The following FANK1 variants were observed in gnomAD, a reference collection of about 807,000 sequenced individuals.
FANK1 encodes the protein fibronectin type 3 and ankyrin repeat domains protein 1.
Under a neutral mutation model 45.3 loss-of-function variants are expected in FANK1, and 44 were observed. That is an observed-to-expected ratio of 0.97 (90% CI 0.76 to 1.25). FANK1 has a LOEUF of 1.25. FANK1 is among the 50% of genes most tolerant of loss of function. The pLI is 0.00. For synonymous variants in FANK1, 149 were observed against 152.5 expected (o/e 0.98, Z 0.17); for missense variants, 391 against 424.4 (o/e 0.92, Z 0.69).
intron 1 of FANK1, among the ~76,000 whole-genome samples, chr10:125,967,054 C>T (rs1203226056): frequency 1.3e-5 from 2 of 152,100 alleles, no homozygotes; most frequent in Non-Finnish European, 2.9e-5. Flanking sequence ...ACTAAATATT[C>T]TTGTATATAA....
intron 1 of FANK1, among the ~76,000 whole-genome samples, chr10:125,945,166 T>C (rs773820564): frequency 2.2e-4 from 33 of 152,344 alleles, no homozygotes; most frequent in Admixed American, 1.0e-3. Flanking sequence ...ACATTTAATC[T>C]AGTCTGACAG....
chr10:125,970,646 C>T (rs945713410), intron 1 of FANK1, among the ~76,000 whole-genome samples: 2 of 152,202 alleles, frequency 1.3e-5, no homozygotes, highest in African/African-American at 4.8e-5. Context: ...AACCCCTTCT[C>T]CACCAAAAAA....
chr10:125,979,237 C>A (rs369126437), intron 1 of FANK1, among the ~76,000 whole-genome samples: 2 of 152,078 alleles, frequency 1.3e-5, no homozygotes, highest in East Asian at 3.9e-4. Flanking sequence ...AGTCCCAGTG[C>A]GAGTATCTGG....
At chr10:125,900,130 C>T (rs1174873770) in intron 1 of FANK1, among the ~76,000 whole-genome samples, 2 of 152,310 alleles carry the variant, frequency 1.3e-5, no homozygotes, top group Non-Finnish European at 2.9e-5. Flanking sequence ...CACTGTTTTA[C>T]AGAATAATAG....
At chr10:125,970,340 C>A (rs1250104731) in intron 1 of FANK1, among the ~76,000 whole-genome samples, 3 of 151,672 alleles carry the variant, frequency 2.0e-5, no homozygotes, top group Admixed American at 1.3e-4. Context: ...CTCCTCACCT[C>A]CCAGATGGGG....
intron 2 of FANK1, among the ~76,000 whole-genome samples, chr10:125,985,102 G>A (rs896604973): frequency 6.6e-6 from 1 of 151,500 alleles, no homozygotes; most frequent in African/African-American, 2.4e-5. Context: ...ACACAGTTGC[G>A]TTATTTCCCT....
chr10:125,920,803 A>C (rs187664534), intron 1 of FANK1, among the ~76,000 whole-genome samples: 1 of 152,174 alleles, frequency 6.6e-6, no homozygotes, highest in Non-Finnish European at 1.5e-5. Context: ...ATGAGTTTAT[A>C]TCTCTAAATA....
At chr10:126,002,368 A>T (rs1952833237) in intron 6 of FANK1, among the ~76,000 whole-genome samples, 1 of 152,316 alleles carries the variant, frequency 6.6e-6, no homozygotes, top group Middle Eastern at 3.4e-3. Flanking sequence ...AATATAATTT[A>T]AAAAATGAAG....
At chr10:125,970,355 CG>C (rs1950430824) in intron 1 of FANK1, among the ~76,000 whole-genome samples, 1 of 150,812 alleles carries the variant, frequency 6.6e-6, no homozygotes, top group Admixed American at 6.6e-5. Flanking sequence ...ATGGGGCGGC[CG>C]GGCAGAGGCG....
At chr10:125,950,651 T>C (rs1208557204) in intron 1 of FANK1, among the ~76,000 whole-genome samples, 1 of 152,130 alleles carries the variant, frequency 6.6e-6, no homozygotes, top group Non-Finnish European at 1.5e-5. Context: ...GGTGGGACTG[T>C]AAACTAGTTC....
chr10:125,991,934 C>T (rs976132425), intron 3 of FANK1, among the ~76,000 whole-genome samples: 2 of 152,208 alleles, frequency 1.3e-5, no homozygotes, highest in South Asian at 4.1e-4. Flanking sequence ...CCCTTCTCCT[C>T]GGTGCCCCTG....
At position 125,977,664 on chromosome 10, in the gene FANK1, C is replaced by T. The variant is rs185180090; in HGVS notation, c.14-2497C>T. Among the ~76,000 whole-genome samples, 3 of 152,220 alleles carry T rather than the reference C, an allele frequency of 2.0e-5. No homozygotes were observed. In the East Asian group the frequency reaches 5.8e-4, roughly 30 times the overall value. Reference sequence around the variant, plus strand: ...GTGGCCGGGGGTTATTTGCTTGCTCCACCTCAGAGAGATGTGGGTCAGCAA... The same window carrying T: ...GTGGCCGGGGGTTATTTGCTTGCTCTACCTCAGAGAGATGTGGGTCAGCAA... On this transcript the variant is annotated intron_variant, in intron 1 of 10. Coordinates refer to ENST00000368693, the MANE Select transcript of FANK1 (RefSeq NM_145235.5).
chr10:126,006,345 C>G (rs1317264865), intron 7 of FANK1, among the ~76,000 whole-genome samples: 1 of 152,178 alleles, frequency 6.6e-6, no homozygotes, highest in Non-Finnish European at 1.5e-5. Context: ...AAATCTCAGT[C>G]ATTAAAAATT....
At position 125,954,226 on chromosome 10, in the gene FANK1, G is replaced by A. The variant is rs940064902; in HGVS notation, c.14-25935G>A. 1.3e-3 allele frequency among the ~76,000 whole-genome samples: 199 copies of A among 152,312 alleles called. 3 individuals are homozygous for A. The highest frequency in any genetic ancestry group is 7.3e-5 in the Non-Finnish European group (5 of 68,032). On this transcript the variant is annotated intron_variant, in intron 1 of 10. Coordinates refer to ENST00000368693, the MANE Select transcript of FANK1 (RefSeq NM_145235.5). Reference sequence around the variant, plus strand: ...GTAATTTACAGAGCGGGTAGCAGATGTGGGCTCTGTAGATAAGGACCAGTG... The same window carrying A: ...GTAATTTACAGAGCGGGTAGCAGATATGGGCTCTGTAGATAAGGACCAGTG...
intron 1 of FANK1, among the ~76,000 whole-genome samples, chr10:125,945,959 CG>C (rs1440679434): frequency 6.6e-6 from 1 of 152,146 alleles, no homozygotes; most frequent in Non-Finnish European, 1.5e-5. Flanking sequence ...CCCTGACCCC[CG>C]AGCAGCCTAA....
Position 125,976,119 on chromosome 10 carries a change from A to ATT in FANK1, c.14-4027_14-4026dup, listed in dbSNP as rs34301072. On this transcript the variant is annotated intron_variant, in intron 1 of 10. Coordinates refer to ENST00000368693, the MANE Select transcript of FANK1 (RefSeq NM_145235.5). The stretch of plus-strand genomic sequence containing the variant: ...CAGGATATGAAATTATTGGTTGAAG[A>ATT]TTTTTTTTTTTTTTTTAAAGAATGT... Among the ~76,000 whole-genome samples the ATT allele has an allele frequency of 6.3e-3, 913 of 145,720 alleles. 3 individuals are homozygous for ATT. The highest frequency in any genetic ancestry group is 0.011 in the African/African-American group (455 of 39,604).
At chr10:125,966,562 A>C (rs1160374681) in intron 1 of FANK1, among the ~76,000 whole-genome samples, 3 of 152,128 alleles carry the variant, frequency 2.0e-5, no homozygotes, top group Non-Finnish European at 2.9e-5. Context: ...GTATCCCACA[A>C]GTGTGCTGAA....
chr10:126,008,681 T>C (rs1590273221), intron 8 of FANK1, 131 bp downstream of exon 8: 3 of 1,065,512 alleles, frequency 2.8e-6, no homozygotes, highest in East Asian at 5.0e-5. Flanking sequence ...GTGTGTTCCC[T>C]GTCGGCTTGT....
intron 1 of FANK1, among the ~76,000 whole-genome samples, chr10:125,922,377 A>G (rs551592245): frequency 9.8e-5 from 15 of 152,296 alleles, no homozygotes; most frequent in African/African-American, 2.6e-4. Context: ...ACGTTTCCCA[A>G]CCTGTCTGCT....
Sources: gnomAD v4.1 joint callset for allele counts (sites outside exome capture counted in the v4.1 genomes callset) on GRCh38, gnomAD v4.1.1 for gene constraint, MANE v1.5 for transcripts, NCBI Gene and HGNC (gene_info 2026-07-23, HGNC 2026-07-21) for gene names.